Variants in ITGA1 observed in about 807,000 individuals in gnomAD.
ITGA1 encodes the protein integrin subunit alpha 1.
Under a neutral mutation model 145.9 loss-of-function variants are expected in ITGA1, and 85 were observed. That is an observed-to-expected ratio of 0.58 (90% CI 0.49 to 0.70). The LOEUF (loss-of-function observed/expected upper bound fraction) is 0.70, where lower values mean the gene tolerates loss of function less well. Ranked by LOEUF, ITGA1 falls within the 30% of genes least tolerant of loss-of-function variation. ITGA1 has a pLI of 0.00. For missense variants in ITGA1, 1,351 were observed against 1,418.7 expected (o/e 0.95, Z 0.77); for synonymous variants, 520 against 495.3 (o/e 1.05, Z -0.66).
At chr5:52,801,342 C>G in intron 1 of ITGA1, 1 of 1,387,362 alleles carries the variant, frequency 7.2e-7, no homozygotes, top group South Asian at 1.3e-5. Context: ...GGCTTTAAGC[C>G]TTTGTGAGCT....
intron 1 of ITGA1, among the ~76,000 whole-genome samples, chr5:52,833,932 A>G (rs1749115339): frequency 6.6e-6 from 1 of 152,218 alleles, no homozygotes; most frequent in South Asian, 2.1e-4. Flanking sequence ...ATTAGAATCA[A>G]TAAGACACCT....
chr5:52,928,988 A>G lies in ITGA1; in HGVS notation c.2695-637A>G, dbSNP rs62357158. On this transcript the variant is annotated intron_variant, in intron 20 of 28. Transcript: ENST00000282588. ...CTTTGTGGTGTGGAACTTAAGCATT[A>G]TTTAGTCTGTTGGGCCTAGAGCAAG... Among the ~76,000 whole-genome samples the G allele has an allele frequency of 6.7e-3, 1,023 of 152,306 alleles. 7 individuals are homozygous for G. The highest frequency in any genetic ancestry group is 0.01 in the Non-Finnish European group (690 of 68,028).
intron 26 of ITGA1, 37 bp from the exon 27 acceptor site, chr5:52,944,906 C>A: frequency 7.4e-7 from 1 of 1,359,236 alleles, no homozygotes; most frequent in Non-Finnish European, 1.1e-6. Context: ...TTTTGATTAG[C>A]ATCATATATT....
At chr5:52,788,968 G>A in intron 1 of ITGA1, among the ~76,000 whole-genome samples, 1 of 152,204 alleles carries the variant, frequency 6.6e-6, no homozygotes, top group East Asian at 1.9e-4. Context: ...CACCCAAGAG[G>A]AGGGATATTT....
intron 1 of ITGA1, among the ~76,000 whole-genome samples, chr5:52,840,675 C>G (rs1580056623): frequency 6.6e-6 from 1 of 151,916 alleles, no homozygotes; most frequent in Admixed American, 6.6e-5. Context: ...AAAATAAACA[C>G]CATGAAAGAA....
intron 2 of ITGA1, 128 bp downstream of exon 2, chr5:52,849,613 C>T (rs978174195): frequency 1.2e-6 from 1 of 852,486 alleles, no homozygotes; most frequent in Non-Finnish European, 1.6e-6. Flanking sequence ...AAAATGCAGT[C>T]TAGTCATTTG....
intron 6 of ITGA1, among the ~76,000 whole-genome samples, chr5:52,873,228 C>G (rs376754671): frequency 2.0e-5 from 3 of 152,118 alleles, no homozygotes; most frequent in Admixed American, 6.6e-5. Flanking sequence ...CCTGGACAAC[C>G]CTTTACATTG....
intron 7 of ITGA1, among the ~76,000 whole-genome samples, chr5:52,884,659 T>G (rs114269412): frequency 0.026 from 4,029 of 152,202 alleles, 199 homozygotes; most frequent in African/African-American, 0.093. Flanking sequence ...GGCAGTAACA[T>G]CAAGGCTAGG....
chr5:52,810,203 G>A (rs1748663887), intron 1 of ITGA1, among the ~76,000 whole-genome samples: 2 of 152,138 alleles, frequency 1.3e-5, no homozygotes, highest in African/African-American at 4.8e-5. Context: ...AGAATGTCCA[G>A]GATTAACTGG....
At chr5:52,901,259 G>A (rs912901323) in intron 11 of ITGA1, among the ~76,000 whole-genome samples, 1 of 152,124 alleles carries the variant, frequency 6.6e-6, no homozygotes, top group African/African-American at 2.4e-5. Context: ...GAGCTACAAA[G>A]GGCAAGAAAA....
At chr5:52,921,545 A>T (rs1431925911) in intron 17 of ITGA1, among the ~76,000 whole-genome samples, 1 of 152,162 alleles carries the variant, frequency 6.6e-6, no homozygotes, top group African/African-American at 2.4e-5. Flanking sequence ...AACACTTAGG[A>T]ATTAGAATGT....
At position 52,897,513 on chromosome 5, in the gene ITGA1, T is replaced by G. The variant is rs1344861805; in HGVS notation, c.1149T>G (p.Ser383Arg). 6.2e-7 allele frequency: 1 copy of G among 1,612,936 alleles called. No individual in the cohort carries two copies. The change falls in exon 10 of 29, where the codon AGT becomes AGG. Residue 383 changes from serine (S) to arginine (R), a missense_variant. By Grantham distance (110) the Ser-to-Arg change is moderately radical (BLOSUM62 -1). Coordinates refer to ENST00000282588, the MANE Select transcript of ITGA1 (RefSeq NM_181501.2). ...FEMEMSQTGF[S>R]AHYSQDWVML... ...TGGAAATGTCTCAGACTGGCTTCAG[T>G]GCTCATTATTCACAGGTATGTTGAC...
At chr5:52,795,896 A>T (rs1748332191) in intron 1 of ITGA1, among the ~76,000 whole-genome samples, 1 of 151,984 alleles carries the variant, frequency 6.6e-6, no homozygotes, top group South Asian at 2.1e-4. Context: ...AAGTTGGTAG[A>T]ATCCATCCAG....
At chr5:52,881,287 T>C (rs535682158) in intron 6 of ITGA1, among the ~76,000 whole-genome samples, 5 of 152,298 alleles carry the variant, frequency 3.3e-5, no homozygotes, top group African/African-American at 1.2e-4. Context: ...TGCCTTTCTT[T>C]CCATTCTTAG....
intron 10 of ITGA1, among the ~76,000 whole-genome samples, chr5:52,897,803 T>G (rs558180636): frequency 1.3e-5 from 2 of 151,692 alleles, no homozygotes; most frequent in African/African-American, 2.4e-5. Context: ...TCTGTCTAAA[T>G]GAAATAATTT....
intron 13 of ITGA1, 146 bp from the exon 14 acceptor site, chr5:52,910,016 A>T (rs1288883916): frequency 1.4e-6 from 1 of 717,880 alleles, no homozygotes; most frequent in African/African-American, 1.8e-5. Context: ...TTACTCTCAG[A>T]TAGGCACACT....
chr5:52,872,214 G>A (rs1749786899), intron 6 of ITGA1, among the ~76,000 whole-genome samples: 1 of 151,986 alleles, frequency 6.6e-6, no homozygotes, highest in Non-Finnish European at 1.5e-5. Flanking sequence ...TTCCCTAGAA[G>A]CCTTAAATCT....
chr5:52,927,561 TTC>T lies in ITGA1; in HGVS notation c.2614-21_2614-20del, dbSNP rs1174678631. On this transcript the variant is annotated intron_variant, in intron 19 of 28. Coordinates refer to ENST00000282588, the MANE Select transcript of ITGA1 (RefSeq NM_181501.2). The stretch of plus-strand genomic sequence containing the variant: ...TATTTCACCTGCTTGTCCACTCTGA[TTC>T]TGTTTGCTTTCTCTTCCTAGGCTAT... 1.9e-6 allele frequency: 3 copies of T among 1,541,710 alleles called. No homozygotes were observed. The East Asian group carries it at 6.8e-5, about 35-fold the overall frequency.
intron 1 of ITGA1, chr5:52,800,417 T>G: frequency 1.2e-6 from 2 of 1,613,934 alleles, no homozygotes; most frequent in Non-Finnish European, 1.7e-6. Context: ...AGGAAGAACA[T>G]CGAGAAGGAC....
Sources: gnomAD v4.1 joint callset for allele counts (sites outside exome capture counted in the v4.1 genomes callset) on GRCh38, gnomAD v4.1.1 for gene constraint, MANE v1.5 for transcripts, NCBI Gene and HGNC (gene_info 2026-07-23, HGNC 2026-07-21) for gene names.